The following GABRG3 variants were observed in gnomAD, a reference collection of about 807,000 sequenced individuals.
The protein encoded by GABRG3 is gamma-aminobutyric acid type A receptor subunit gamma3.
GABRG3 carries 25 observed loss-of-function variants against 48.8 expected under a neutral mutation model. The observed-to-expected ratio is 0.51, with a 90% CI of 0.37 to 0.72. The LOEUF is 0.72. Among genes scored for constraint, GABRG3 ranks in the 30% least tolerant of loss-of-function variants. The pLI, the probability that GABRG3 is intolerant of heterozygous loss-of-function variation, is 0.00. For synonymous variants in GABRG3, 227 were observed against 217.6 expected, an observed-to-expected ratio of 1.04 and a Z score of -0.38; for missense variants, 394 against 577.9, an observed-to-expected ratio of 0.68 and a Z score of 3.26.
At chr15:27,371,004 G>A (rs201868159) in intron 5 of GABRG3, among the ~76,000 whole-genome samples, 3 of 152,248 alleles carry the variant, frequency 2.0e-5, no homozygotes, top group South Asian at 2.1e-4. Context: ...ACATGCAAAC[G>A]TGGTTGTATC....
chr15:27,460,831 C>T (rs543361367), intron 5 of GABRG3, among the ~76,000 whole-genome samples: 2 of 152,290 alleles, frequency 1.3e-5, no homozygotes, highest in African/African-American at 4.8e-5. Context: ...TCCCTGAGGT[C>T]TGCCTTCCAG....
chr15:27,087,907 AGT>A (rs1024053226), intron 3 of GABRG3, among the ~76,000 whole-genome samples: 2 of 115,476 alleles, frequency 1.7e-5, no homozygotes, highest in African/African-American at 3.5e-5. Flanking sequence ...TGCATGTGTG[AGT>A]GTGGTGTGCT....
At chr15:27,461,043 C>T (rs1261243674) in intron 5 of GABRG3, among the ~76,000 whole-genome samples, 2 of 152,152 alleles carry the variant, frequency 1.3e-5, no homozygotes, top group African/African-American at 2.4e-5. Flanking sequence ...ACAAACATAT[C>T]TACTCTCCCA....
At chr15:27,092,336 A>G (rs1451144101) in intron 3 of GABRG3, among the ~76,000 whole-genome samples, 2 of 152,214 alleles carry the variant, frequency 1.3e-5, no homozygotes, top group Non-Finnish European at 2.9e-5. Context: ...GCATTTCCAA[A>G]TAAATGCAAA....
At chr15:26,999,503 TCC>T (rs953907321) in intron 2 of GABRG3, among the ~76,000 whole-genome samples, 2 of 152,094 alleles carry the variant, frequency 1.3e-5, no homozygotes, top group African/African-American at 4.8e-5. Flanking sequence ...CATGTGTTTT[TCC>T]CCCCTGTGAA....
chr15:27,192,304 A>G (rs1566960266), intron 3 of GABRG3, among the ~76,000 whole-genome samples: 1 of 152,130 alleles, frequency 6.6e-6, no homozygotes, highest in South Asian at 2.1e-4. Context: ...CTCCTGGATA[A>G]TATTCTGCAG....
At chr15:27,403,930 A>AAC (rs1887553448) in intron 5 of GABRG3, among the ~76,000 whole-genome samples, 1 of 119,154 alleles carries the variant, frequency 8.4e-6, no homozygotes, top group Admixed American at 8.2e-5. Flanking sequence ...AAAAAAAAAC[A>AAC]AAAAAAAAAA....
chr15:27,095,203 C>CA (rs1252574641), intron 3 of GABRG3, among the ~76,000 whole-genome samples: 2 of 152,216 alleles, frequency 1.3e-5, no homozygotes, highest in Non-Finnish European at 2.9e-5. Flanking sequence ...ATGTCAGCAG[C>CA]AAACAGCTCA....
intron 5 of GABRG3, among the ~76,000 whole-genome samples, chr15:27,370,033 C>T (rs934726208): frequency 7.9e-5 from 12 of 152,010 alleles, no homozygotes; most frequent in Admixed American, 2.6e-4. Context: ...TTAGCACGCT[C>T]TAATCAATTA....
chr15:27,104,371 C>T (rs551519871), intron 3 of GABRG3, among the ~76,000 whole-genome samples: 29 of 152,276 alleles, frequency 1.9e-4, no homozygotes, highest in African/African-American at 6.0e-4. Context: ...GCCAAAGTGG[C>T]GCGTGAGTTT....
chr15:27,323,250 T>C (rs183119172), intron 3 of GABRG3, among the ~76,000 whole-genome samples: 2 of 152,286 alleles, frequency 1.3e-5, no homozygotes, highest in East Asian at 3.9e-4. Flanking sequence ...ATTCTTCAAG[T>C]TTTCTGAGCT....
chr15:26,986,376 A>G (rs1264239537), intron 2 of GABRG3, among the ~76,000 whole-genome samples: 1 of 152,200 alleles, frequency 6.6e-6, no homozygotes, highest in Non-Finnish European at 1.5e-5. Flanking sequence ...TTGTAGAGAA[A>G]TTATACCTGT....
chr15:27,323,956 A>G (rs991723863), intron 3 of GABRG3, among the ~76,000 whole-genome samples: 8 of 152,296 alleles, frequency 5.3e-5, no homozygotes, highest in Non-Finnish European at 1.5e-5. Context: ...GGAGTGGCAC[A>G]TACCACTCTG....
chr15:27,234,767 T>G (rs1261519662), intron 3 of GABRG3, among the ~76,000 whole-genome samples: 2 of 152,204 alleles, frequency 1.3e-5, no homozygotes, highest in African/African-American at 2.4e-5. Flanking sequence ...TTTTGACTCC[T>G]GTCCAGTGAC....
intron 3 of GABRG3, among the ~76,000 whole-genome samples, chr15:27,175,408 G>A (rs1255014021): frequency 3.3e-5 from 5 of 152,212 alleles, no homozygotes; most frequent in South Asian, 2.1e-4. Context: ...CAGTATTTGC[G>A]GGAGCAGGGG....
chr15:27,086,919 A>T (rs920015302), intron 3 of GABRG3, among the ~76,000 whole-genome samples: 2 of 152,212 alleles, frequency 1.3e-5, no homozygotes, highest in African/African-American at 4.8e-5. Flanking sequence ...TGGATGCAGG[A>T]CAAGGGCAGG....
chr15:27,522,284 TAAAC>T (rs1377535401), intron 7 of GABRG3, among the ~76,000 whole-genome samples: 1 of 151,862 alleles, frequency 6.6e-6, no homozygotes, highest in Admixed American at 6.6e-5. Context: ...TTTTTTTAGA[TAAAC>T]AAAATCTGTG....
chr15:27,076,976 A>G (rs570405380), intron 3 of GABRG3, among the ~76,000 whole-genome samples: 2 of 152,340 alleles, frequency 1.3e-5, no homozygotes, highest in South Asian at 2.1e-4. Flanking sequence ...AAGTGAAGAC[A>G]TTGGTTTCTG....
At chr15:27,162,913 C>T (rs958300570) in intron 3 of GABRG3, among the ~76,000 whole-genome samples, 2 of 152,048 alleles carry the variant, frequency 1.3e-5, no homozygotes, top group African/African-American at 2.4e-5. Context: ...CAAGGGACTG[C>T]AGCTGTTTTT....
Sources: allele counts gnomAD v4.1 joint callset (sites outside exome capture counted in the v4.1 genomes callset), GRCh38; gene constraint gnomAD v4.1.1; transcripts MANE v1.5; gene names NCBI Gene and HGNC (gene_info 2026-07-23, HGNC 2026-07-21).